Variants in THAP5 observed in about 807,000 individuals in gnomAD.
THAP5 encodes the protein THAP domain containing 5, also known as THAP domain-containing protein 5.
A neutral mutation model predicts 34.0 loss-of-function variants in THAP5; 26 were observed. The observed-to-expected ratio is 0.77, with a 90% CI of 0.56 to 1.06. THAP5 has a LOEUF of 1.06. Among genes scored for constraint, THAP5 ranks in the 50% least tolerant of loss-of-function variants. The probability of loss-of-function intolerance (pLI) is 0.00; values close to 1 mark genes in which losing one functional copy is unlikely to be tolerated. For missense variants in THAP5, 394 were observed against 452.8 expected, an observed-to-expected ratio of 0.87 and a Z score of 1.18; for synonymous variants, 125 against 153.0, an observed-to-expected ratio of 0.82 and a Z score of 1.35.
In THAP5 at chr7:108,562,324, A is replaced by G. The variant is rs1790351935; in HGVS notation, c.*1867T>C. 1 of 152,204 alleles carries G rather than the reference A, an allele frequency of 6.6e-6. No homozygotes were observed. The highest frequency in any genetic ancestry group is 1.5e-5 in the Non-Finnish European group (1 of 68,038). 9.4% of individuals were successfully genotyped at this position (152,204 alleles called of 1,614,324 possible). Reference sequence around the variant, plus strand: ...AAATGCAACATAGGAATACTTAATAACACTGTAATAACTCTATCATCTCCC... The same window carrying G: ...AAATGCAACATAGGAATACTTAATAGCACTGTAATAACTCTATCATCTCCC... On this transcript the variant is annotated 3_prime_UTR_variant, in exon 3 of 3. Transcript: ENST00000415914.
downstream of THAP5, among the ~76,000 whole-genome samples, chr7:108,550,511 G>A (rs939929303): frequency 6.6e-6 from 1 of 151,998 alleles, no homozygotes; most frequent in Non-Finnish European, 1.5e-5. Flanking sequence ...CCATTATGTG[G>A]ATATTGAGTC....
chr7:108,545,040 G>GA, the THAP5 span, among the ~76,000 whole-genome samples: 19 of 151,682 alleles, frequency 1.3e-4, no homozygotes, highest in East Asian at 3.9e-4. Flanking sequence ...GATATTTTCA[G>GA]AAAAAAAATA....
At chr7:108,561,368 A>G (rs1373393128), downstream of THAP5, among the ~76,000 whole-genome samples, 1 of 151,350 alleles carries the variant, frequency 6.6e-6, no homozygotes, top group African/African-American at 2.4e-5. Context: ...AGCTCAAGCA[A>G]TCCTCCCACC....
chr7:108,561,496 A>G (rs1864430724), downstream of THAP5, among the ~76,000 whole-genome samples: 1 of 150,382 alleles, frequency 6.6e-6, no homozygotes, highest in South Asian at 2.1e-4. Context: ...CTTTAACTCC[A>G]AAGTTCAAGC....
the THAP5 span, among the ~76,000 whole-genome samples, chr7:108,546,990 A>G: frequency 6.6e-6 from 1 of 152,210 alleles, no homozygotes; most frequent in Non-Finnish European, 1.5e-5. Context: ...AAATTAAGGA[A>G]ACTATCCAGG....
chr7:108,557,714 A>G (rs528153270), downstream of THAP5, among the ~76,000 whole-genome samples: 17 of 152,232 alleles, frequency 1.1e-4, no homozygotes, highest in African/African-American at 2.9e-4. Flanking sequence ...TCATTTTCCT[A>G]TCTTCATCTG....
chr7:108,559,336 G>C (rs1864410249), downstream of THAP5, among the ~76,000 whole-genome samples: 2 of 152,198 alleles, frequency 1.3e-5, no homozygotes, highest in Admixed American at 6.5e-5. Context: ...ATACGAGAGT[G>C]TTTTCTCTTA....
downstream of THAP5, among the ~76,000 whole-genome samples, chr7:108,558,458 C>T (rs1259175791): frequency 8.9e-5 from 13 of 145,426 alleles, no homozygotes; most frequent in South Asian, 4.3e-4. Context: ...AGTGCAGTGG[C>T]GCAATCTCGG....
the THAP5 span, among the ~76,000 whole-genome samples, chr7:108,542,742 C>A: frequency 6.6e-6 from 1 of 151,846 alleles, no homozygotes; most frequent in Non-Finnish European, 1.5e-5. Context: ...GGATTACAGG[C>A]GTGAGCCACT....
chr7:108,560,345 CT>C (rs1365244378), downstream of THAP5, among the ~76,000 whole-genome samples: 1 of 152,194 alleles, frequency 6.6e-6, no homozygotes, highest in East Asian at 1.9e-4. Context: ...GAAACTGCTC[CT>C]TTTCAAGGCT....
At chr7:108,550,394 T>C (rs1189179839), downstream of THAP5, among the ~76,000 whole-genome samples, 1 of 152,216 alleles carries the variant, frequency 6.6e-6, no homozygotes, top group Non-Finnish European at 1.5e-5. Flanking sequence ...ACATAATGGG[T>C]CATTCCATCT....
In THAP5 at chr7:108,569,577, G is replaced by A; in HGVS notation, c.-8C>T. 1 of 1,551,248 alleles carries A rather than the reference G, an allele frequency of 6.4e-7. No homozygotes were observed. The highest frequency in any genetic ancestry group is 8.7e-7 in the Non-Finnish European group (1 of 1,147,020). ...TGCGCAATAGCGGGGCATGACTCGG[G>A]TGAGGCCCCTGGAGACCGGGGCCGG... is the stretch of plus-strand genomic sequence containing the variant. On this transcript the variant is annotated 5_prime_UTR_variant, in exon 1 of 3. Coordinates refer to ENST00000415914, the MANE Select transcript of THAP5 (RefSeq NM_001130475.3).
At chr7:108,554,132 C>G (rs1424157477), downstream of THAP5, among the ~76,000 whole-genome samples, 1 of 152,098 alleles carries the variant, frequency 6.6e-6, no homozygotes, top group African/African-American at 2.4e-5. Context: ...GATGCCAGTG[C>G]CTTCATCTTG....
chr7:108,553,054 T>C (rs556391540), downstream of THAP5, among the ~76,000 whole-genome samples: 1 of 152,330 alleles, frequency 6.6e-6, no homozygotes, highest in South Asian at 2.1e-4. Context: ...CCATCAGGAA[T>C]GGAGCCACTA....
Position 108,564,934 on chromosome 7 carries a change from C to T in THAP5, c.445G>A (p.Val149Ile). Residue 149 changes from valine to isoleucine, a missense_variant, in exon 3 of 3, where the codon GTA becomes ATA. By Grantham distance (29) the Val-to-Ile change is conservative (BLOSUM62 3). Transcript: ENST00000415914. ...CCTGTTTTGGGAGCTGGTGGCTTTA[C>T]CAAGGAAGATGAATGAAGTAATTCT... ...HPELLHSSSL[V>I]KPPAPKTGSI... The T allele has an allele frequency of 6.4e-7, 1 of 1,568,842 alleles. No individual in the cohort carries two copies. Among genetic ancestry groups the T allele is most frequent in the East Asian group, 2.3e-5 (1 of 43,216 alleles).
chr7:108,569,247 T>C, intron 1 of THAP5: 2 of 1,387,066 alleles, frequency 1.4e-6, no homozygotes. Flanking sequence ...CAAACTTTAC[T>C]GTTTTAACTG....
chr7:108,564,722 C>T lies in THAP5; in HGVS notation c.657G>A (p.Leu219=). 1 of 1,613,630 alleles carries T rather than the reference C, an allele frequency of 6.2e-7. No homozygotes were observed. The highest frequency in any genetic ancestry group is 8.5e-7 in the Non-Finnish European group (1 of 1,179,858). Residue 219 remains leucine, a synonymous_variant, in exon 3 of 3, where the codon TTG becomes TTA. Coordinates refer to ENST00000415914, the MANE Select transcript of THAP5 (RefSeq NM_001130475.3). ...TTACTTCAAGAACTTCTTGAGTTTC[C>T]AAAGATTGATGAATACTTTCTGAAT... is the stretch of plus-strand genomic sequence containing the variant. ...TSNSESIHQS[L]ETQEVLEVTT...
chr7:108,555,002 A>G (rs1435110548), intron 1 of THAP5: 1 of 152,178 alleles, frequency 6.6e-6, no homozygotes, highest in African/African-American at 2.4e-5. Context: ...TAATCCACAG[A>G]TAGTCATTAA....
downstream of THAP5, among the ~76,000 whole-genome samples, chr7:108,549,610 T>G (rs150312427): frequency 2.6e-5 from 4 of 152,346 alleles, no homozygotes; most frequent in Non-Finnish European, 5.9e-5. Context: ...GTGGTTATAT[T>G]GTATTTACAT....
Sources: gnomAD v4.1 joint callset for allele counts (sites outside exome capture counted in the v4.1 genomes callset) on GRCh38, gnomAD v4.1.1 for gene constraint, MANE v1.5 for transcripts, NCBI Gene and HGNC (gene_info 2026-07-23, HGNC 2026-07-21) for gene names.